The following ATP1B4 variants were observed in gnomAD, a reference collection of about 807,000 sequenced individuals.
The protein encoded by ATP1B4 is protein ATP1B4.
Under a neutral mutation model 29.6 loss-of-function variants are expected in ATP1B4, and 32 were observed. The observed-to-expected ratio is 1.08, with a 90% CI of 0.82 to 1.45. The LOEUF (loss-of-function observed/expected upper bound fraction) is 1.45, where lower values mean the gene tolerates loss of function less well. Among genes scored for constraint, ATP1B4 ranks in the 40% most tolerant of loss-of-function variants. ATP1B4 has a pLI of 0.00. For synonymous variants in ATP1B4, 127 were observed against 102.1 expected, an observed-to-expected ratio of 1.24 and a Z score of -1.47; for missense variants, 323 against 276.2, an observed-to-expected ratio of 1.17 and a Z score of -1.20.
chrX:120,374,940 C>G (rs898618793), intron 4 of ATP1B4, among the ~76,000 whole-genome samples: 2 of 98,000 alleles, frequency 2.0e-5, no homozygotes, highest in South Asian at 9.0e-4. Flanking sequence ...ATATACCATA[C>G]CTTGAATGTT....
chrX:120,377,771 T>C (rs980160706), intron 6 of ATP1B4, among the ~76,000 whole-genome samples: 1 of 111,932 alleles, frequency 8.9e-6, no homozygotes, highest in Admixed American at 9.5e-5. Flanking sequence ...TAATAAACAA[T>C]ACTGGTCAAA....
At chrX:120,376,120 C>T (rs1468032234) in intron 5 of ATP1B4, among the ~76,000 whole-genome samples, 1 of 110,918 alleles carries the variant, frequency 9.0e-6, no homozygotes, top group East Asian at 2.8e-4. Context: ...TTAGAAAGTT[C>T]TTTACATCTT....
At position 120,371,876 on chromosome X, in the gene ATP1B4, G is replaced by A. The variant is rs750769248; in HGVS notation, c.562+666G>A. 8.0e-5 allele frequency among the ~76,000 whole-genome samples: 9 copies of A among 112,430 alleles called. No homozygotes were observed. The South Asian group carries it at 3.0e-3, about 37-fold the overall frequency. ...GTAAAGATGGGGTTTCACCGTGTTA[G>A]CCAGGATGGTCTTGATCTCCTGACC... On this transcript the variant is annotated intron_variant, in intron 4 of 7. Coordinates refer to ENST00000218008, the MANE Select transcript of ATP1B4 (RefSeq NM_001142447.3).
At chrX:120,372,125 C>T (rs745591530) in intron 4 of ATP1B4, among the ~76,000 whole-genome samples, 23 of 112,330 alleles carry the variant, frequency 2.0e-4, no homozygotes, top group East Asian at 2.0e-3. Flanking sequence ...TTGTGGGAGA[C>T]GCTTCCACAA....
rs914096487 is a variant in ATP1B4, at chrX:120,380,835, A to T, written c.*1201A>T. 1 of 112,432 alleles carries T rather than the reference A, an allele frequency of 8.9e-6. No homozygotes were observed. Among genetic ancestry groups the T allele is most frequent in the African/African-American group, 3.2e-5 (1 of 30,810 alleles). 9.3% of individuals were successfully genotyped at this position (112,432 alleles called of 1,213,427 possible). A position where few individuals can be genotyped will look rare whatever the true frequency, so the allele number is the denominator to read the frequency against. ...TTACTTTAAAAATGACATGAGGCAG[A>T]TTCTTATCCAGGATGTGGATCAGCC... On this transcript the variant is annotated 3_prime_UTR_variant, in exon 8 of 8. Coordinates refer to ENST00000218008, the MANE Select transcript of ATP1B4 (RefSeq NM_001142447.3).
chrX:120,370,477 C>G (rs763671779), intron 2 of ATP1B4, among the ~76,000 whole-genome samples: 3 of 112,126 alleles, frequency 2.7e-5, no homozygotes, highest in East Asian at 5.5e-4. Context: ...TCATGGCCAT[C>G]ATTTGCTGAG....
intron 3 of ATP1B4, 116 bp from the exon 4 acceptor site, chrX:120,370,977 AAATGGTACTTGGC>A: frequency 1.9e-6 from 2 of 1,038,365 alleles, no homozygotes; most frequent in Non-Finnish European, 2.6e-6. Context: ...AGGAAAAGTA[AAATGGTACTTGGC>A]AAATTATGGT....
intron 6 of ATP1B4, among the ~76,000 whole-genome samples, chrX:120,376,989 C>T (rs2058359751): frequency 8.9e-6 from 1 of 111,998 alleles, no homozygotes; most frequent in Non-Finnish European, 1.9e-5. Context: ...ATCTCATCTG[C>T]ACCAATTAGC....
chrX:120,382,878 A>C lies in ATP1B4; in HGVS notation c.*3244A>C, dbSNP rs2058386688. 8.9e-6 allele frequency: 1 copy of C among 112,329 alleles called. No individual in the cohort carries two copies. Among genetic ancestry groups the C allele is most frequent in the Non-Finnish European group, 1.9e-5 (1 of 53,251 alleles). The allele number at this position is 112,329 out of a possible 1,213,427, so 9.3% of individuals were successfully genotyped here. On this transcript the variant is annotated 3_prime_UTR_variant, in exon 8 of 8. Transcript: ENST00000218008. The stretch of plus-strand genomic sequence containing the variant: ...AGGACATGAAAAATGTAGGTTTACT[A>C]TACAGAACTGGATATGATAATATAT...
At chrX:120,366,487 T>C (rs764647075) in intron 1 of ATP1B4, 38 bp from the exon 2 acceptor site, 1 of 1,175,661 alleles carries the variant, frequency 8.5e-7, no homozygotes, top group Non-Finnish European at 1.1e-6. Context: ...TTGTACATTT[T>C]TTTTCAAAAA....
At position 120,370,718 on chromosome X, in the gene ATP1B4, T is replaced by A; in HGVS notation, c.332T>A (p.Leu111Gln). Residue 111 changes from leucine (L) to glutamine (Q), a missense_variant, in exon 3 of 8, where the codon CTG (leucine) becomes CAG (glutamine). Coordinates refer to ENST00000218008, the MANE Select transcript of ATP1B4 (RefSeq NM_001142447.3). ...CTCATCTGTGATTGCTCTGCAGGCC[T>A]GATCTTACTCATTTACTTCTTCTTC... Reference protein sequence around the residue: ...FLARTGQSWSLILLIYFFFYA... With the variant: ...FLARTGQSWSQILLIYFFFYA... 1 of 1,211,117 alleles carries A rather than the reference T, an allele frequency of 8.3e-7. No homozygotes were observed. Among genetic ancestry groups the A allele is most frequent in the Non-Finnish European group, 1.1e-6 (1 of 895,236 alleles).
At chrX:120,366,357 A>T (rs2147248710) in intron 1 of ATP1B4, among the ~76,000 whole-genome samples, 168 bp from the exon 2 acceptor site, 1 of 112,159 alleles carries the variant, frequency 8.9e-6, no homozygotes, top group African/African-American at 3.2e-5. Flanking sequence ...CTCCAAAAGA[A>T]CTAGGGAGAA....
At chrX:120,370,896 C>T in intron 3 of ATP1B4, 53 bp downstream of exon 3, 2 of 1,174,584 alleles carry the variant, frequency 1.7e-6, no homozygotes, top group Admixed American at 2.3e-5. Context: ...CAGAAATATG[C>T]TTGCACAGCA....
chrX:120,366,491 TCAAAAAGGG>T (rs1208686287), intron 1 of ATP1B4, 25 bp from the exon 2 acceptor site: 5 of 1,175,183 alleles, frequency 4.3e-6, no homozygotes, highest in Admixed American at 4.8e-5. Context: ...ACATTTTTTT[TCAAAAAGGG>T]TATTGTGTTT....
At chrX:120,370,646 A>G in intron 2 of ATP1B4, 69 bp from the exon 3 acceptor site, 1 of 1,174,919 alleles carries the variant, frequency 8.5e-7, no homozygotes, top group Non-Finnish European at 1.1e-6. Context: ...GTTCTGGTTC[A>G]TGAGTCCAAG....
At chrX:120,365,051 A>G (rs2058278960) in intron 1 of ATP1B4, among the ~76,000 whole-genome samples, 1 of 111,829 alleles carries the variant, frequency 8.9e-6, no homozygotes. Context: ...TGCTTCATTA[A>G]TCTACTAAGC....
At position 120,379,566 on chromosome X, in the gene ATP1B4, G is replaced by A. The variant is rs1485678190; in HGVS notation, c.1006G>A (p.Val336Ile). Residue 336 changes from valine to isoleucine, a missense_variant, in exon 8 of 8, where the codon GTC (valine) becomes ATC (isoleucine). Coordinates refer to ENST00000218008, the MANE Select transcript of ATP1B4 (RefSeq NM_001142447.3). The stretch of plus-strand genomic sequence containing the variant: ...GCAGTGCCAACTGAAGGGCAAAGGC[G>A]TCATAAATGATGTCATCAATGATCG... ...PVQCQLKGKG[V>I]INDVINDRFV... The A allele has an allele frequency of 3.0e-5, 36 of 1,209,312 alleles. No homozygotes were observed. The highest frequency in any genetic ancestry group is 8.9e-5 in the East Asian group (3 of 33,715).
In ATP1B4 at chrX:120,366,031, C is replaced by T. The variant is rs187411251; in HGVS notation, c.64-494C>T. 3.0e-4 allele frequency among the ~76,000 whole-genome samples: 34 copies of T among 111,882 alleles called. No individual in the cohort carries two copies. In the East Asian group the frequency reaches 7.9e-3, roughly 26 times the overall value. On this transcript the variant is annotated intron_variant, in intron 1 of 7. Coordinates refer to ENST00000218008, the MANE Select transcript of ATP1B4 (RefSeq NM_001142447.3). ...GCAGTTGGCCTCTCCTCCTGATGTC[C>T]GTCCCAGGCTATTTTTAGACACAAC...
chrX:120,376,501 C>A, intron 6 of ATP1B4, 65 bp downstream of exon 6: 1 of 966,284 alleles, frequency 1.0e-6, no homozygotes, highest in Non-Finnish European at 1.5e-6. Context: ...TAGTCCATCA[C>A]TTTCAAGGAC....
Sources: gnomAD v4.1 joint callset for allele counts (sites outside exome capture counted in the v4.1 genomes callset) on GRCh38, gnomAD v4.1.1 for gene constraint, MANE v1.5 for transcripts, NCBI Gene and HGNC (gene_info 2026-07-23, HGNC 2026-07-21) for gene names.